The following MECR variants were observed in gnomAD, a reference collection of about 807,000 sequenced individuals.
The protein encoded by MECR is mitochondrial trans-2-enoyl-CoA reductase, also known as enoyl-[acyl-carrier-protein] reductase, mitochondrial.
In MECR, 37 loss-of-function variants were observed where a neutral mutation model predicts 49.1. That is an observed-to-expected ratio of 0.75 (90% CI 0.58 to 0.99). The LOEUF is 0.99. Ranked by LOEUF, MECR falls within the 50% of genes least tolerant of loss-of-function variation. The probability of loss-of-function intolerance (pLI) is 0.00; values close to 1 mark genes in which losing one functional copy is unlikely to be tolerated. For synonymous variants in MECR, 198 were observed against 191.1 expected (o/e 1.04, Z -0.30); for missense variants, 470 against 479.6 (o/e 0.98, Z 0.19).
At chr1:29,191,700 A>G (rs1310294099), downstream of MECR, among the ~76,000 whole-genome samples, 1 of 152,068 alleles carries the variant, frequency 6.6e-6, no homozygotes, top group Non-Finnish European at 1.5e-5. Flanking sequence ...GACCTTTCCC[A>G]GCCCCAGGCT....
chr1:29,175,695 A>C, the MECR span, among the ~76,000 whole-genome samples: 3 of 26,302 alleles, frequency 1.1e-4, no homozygotes, highest in East Asian at 1.1e-3. Flanking sequence ...ACGCTGTCTC[A>C]AAAAAAAAAA....
the MECR span, chr1:29,171,464 T>C: frequency 6.6e-6 from 1 of 150,656 alleles, no homozygotes; most frequent in Non-Finnish European, 1.5e-5. Flanking sequence ...TAACTCATTT[T>C]GTAACCTTGG....
chr1:29,179,066 T>A, the MECR span, among the ~76,000 whole-genome samples: 1 of 152,222 alleles, frequency 6.6e-6, no homozygotes, highest in East Asian at 1.9e-4. Flanking sequence ...CCCAGGTATT[T>A]AGGGTCCTGA....
At chr1:29,179,802 A>G in the MECR span, among the ~76,000 whole-genome samples, 1 of 152,232 alleles carries the variant, frequency 6.6e-6, no homozygotes, top group African/African-American at 2.4e-5. Context: ...CACATGTCAT[A>G]ATGCTTAATT....
chr1:29,223,075 T>C, intron 1 of MECR: 1 of 984,706 alleles, frequency 1.0e-6, no homozygotes, highest in Non-Finnish European at 1.2e-6. Context: ...ACAGTGGCTA[T>C]GTTTTGGAGT....
rs187020661 is a variant in MECR at position 29,208,192 on chromosome 1, A to G, written c.407-1287T>C. 4.0e-3 allele frequency among the ~76,000 whole-genome samples: 606 copies of G among 152,156 alleles called. 1 individual carries two copies. The highest frequency in any genetic ancestry group is 9.3e-3 in the African/African-American group (385 of 41,510). ...ATTTTTAGTAGAGATGGGTTTCACC[A>G]TGTTGGCCAGGCTGGTCTCGAACTC... On this transcript the variant is annotated intron_variant, in intron 3 of 9. Transcript: ENST00000263702.
downstream of MECR, among the ~76,000 whole-genome samples, chr1:29,188,290 A>G (rs1013871095): frequency 6.6e-6 from 1 of 151,728 alleles, no homozygotes; most frequent in Non-Finnish European, 1.5e-5. Flanking sequence ...CCTGGGTTCA[A>G]GCAATTCTCC....
At chr1:29,177,409 G>A in the MECR span, among the ~76,000 whole-genome samples, 1 of 151,850 alleles carries the variant, frequency 6.6e-6, no homozygotes, top group Non-Finnish European at 1.5e-5. Context: ...AGCCTCCCGA[G>A]TAGCCAGGAT....
chr1:29,213,461 G>A (rs1288822155), intron 3 of MECR, among the ~76,000 whole-genome samples: 1 of 152,114 alleles, frequency 6.6e-6, no homozygotes, highest in East Asian at 1.9e-4. Flanking sequence ...CTAATCTCTG[G>A]GGCTGTCAAC....
At position 29,203,148 on chromosome 1, in the gene MECR, G is replaced by A; in HGVS notation, c.636C>T (p.Ile212=). 1 of 1,579,358 alleles carries A rather than the reference G, an allele frequency of 6.3e-7. No individual in the cohort carries two copies. The change falls in exon 5 of 10, where the codon ATC becomes ATT. Residue 212 remains isoleucine (I), a synonymous_variant. Transcript: ENST00000263702. ...QIAAALGLRT[I]NVVRDRPDIQ... Reference sequence around the variant, plus strand: ...CCACGCACCTGTCTCGGACCACATTGATGGTTCTTAGGCCCAGGGCTGCGG... The same window carrying A: ...CCACGCACCTGTCTCGGACCACATTAATGGTTCTTAGGCCCAGGGCTGCGG...
At chr1:29,219,412 C>A (rs747075393) in intron 1 of MECR, among the ~76,000 whole-genome samples, 1 of 152,112 alleles carries the variant, frequency 6.6e-6, no homozygotes, top group Non-Finnish European at 1.5e-5. Flanking sequence ...TCTTCCACAG[C>A]TTCTCTATGA....
chr1:29,221,573 T>C (rs1291616584), intron 1 of MECR, among the ~76,000 whole-genome samples: 2 of 152,164 alleles, frequency 1.3e-5, no homozygotes, highest in Non-Finnish European at 2.9e-5. Context: ...GCGACACTAA[T>C]GTCACTTGGT....
At chr1:29,194,205 C>G in intron 9 of MECR, 26 bp from the exon 10 acceptor site, 1 of 1,580,248 alleles carries the variant, frequency 6.3e-7, no homozygotes. Context: ...GGAAATCAGA[C>G]AAGAGAACAG....
Position 29,224,175 on chromosome 1 carries a change from A to C in MECR, c.176+6556T>G, listed in dbSNP as rs1023904068. ...GCTGACACCAGGGAAACTCCACTAC[A>C]AGGGAGTTGCAGTCTGTCACTCAAC... On this transcript the variant is annotated intron_variant, in intron 1 of 9. Coordinates refer to ENST00000263702, the MANE Select transcript of MECR (RefSeq NM_016011.5). The C allele has an allele frequency of 2.6e-5, 4 of 152,130 alleles. 1 individual carries two copies. The highest frequency in any genetic ancestry group is 5.9e-5 in the Non-Finnish European group (4 of 68,010). 9.4% of individuals were successfully genotyped at this position (152,130 alleles called of 1,614,324 possible).
chr1:29,202,093 C>T, intron 5 of MECR, 48 bp from the exon 6 acceptor site: 2 of 1,508,198 alleles, frequency 1.3e-6, no homozygotes, highest in Non-Finnish European at 1.8e-6. Context: ...GCTTTTTCCA[C>T]CAAAGCCCCC....
At chr1:29,190,713 T>A (rs143224422), downstream of MECR, among the ~76,000 whole-genome samples, 883 of 149,968 alleles carry the variant, frequency 5.9e-3, 15 homozygotes, top group African/African-American at 0.021. Flanking sequence ...CACTTGGACC[T>A]GGGAGGTGGA....
At chr1:29,192,080 G>C (rs1248134710), downstream of MECR, among the ~76,000 whole-genome samples, 1 of 151,880 alleles carries the variant, frequency 6.6e-6, no homozygotes, top group African/African-American at 2.4e-5. Flanking sequence ...AACAGTGTGA[G>C]ACTTCGTCTC....
chr1:29,211,316 G>C (rs996813313), intron 3 of MECR, among the ~76,000 whole-genome samples: 1 of 152,164 alleles, frequency 6.6e-6, no homozygotes, highest in Non-Finnish European at 1.5e-5. Flanking sequence ...CGATCTGCCC[G>C]CCTTGGCCTC....
intron 7 of MECR, among the ~76,000 whole-genome samples, chr1:29,197,278 A>G (rs1483910209): frequency 1.3e-5 from 2 of 152,158 alleles, no homozygotes; most frequent in Admixed American, 6.6e-5. Flanking sequence ...ATGCAGTGAA[A>G]ATGGCCCAGA....
Sources: gnomAD v4.1 joint callset for allele counts (sites outside exome capture counted in the v4.1 genomes callset) on GRCh38, gnomAD v4.1.1 for gene constraint, MANE v1.5 for transcripts, NCBI Gene and HGNC (gene_info 2026-07-23, HGNC 2026-07-21) for gene names.